The following GCFC2 variants were observed in gnomAD, a reference collection of about 807,000 sequenced individuals.
GCFC2 encodes the protein intron Large complex component GCFC2.
GCFC2 carries 102 observed loss-of-function variants against 99.4 expected under a neutral mutation model. That is an observed-to-expected ratio of 1.03 (90% CI 0.87 to 1.21). The LOEUF (loss-of-function observed/expected upper bound fraction) is 1.21. Ranked by LOEUF, GCFC2 falls within the 50% of genes most tolerant of loss-of-function variation. The pLI is 0.00. For synonymous variants in GCFC2, 338 were observed against 316.8 expected (o/e 1.07, Z -0.71); for missense variants, 973 against 920.9 (o/e 1.06, Z -0.73).
At chr2:75,695,848 C>G (rs1477160726) in intron 5 of GCFC2, among the ~76,000 whole-genome samples, 1 of 152,192 alleles carries the variant, frequency 6.6e-6, no homozygotes, top group East Asian at 1.9e-4. Flanking sequence ...AAGGATGATT[C>G]TCATCCTGGG....
intron 1 of GCFC2, among the ~76,000 whole-genome samples, chr2:75,707,856 T>G (rs1285120676): frequency 6.6e-6 from 1 of 152,216 alleles, no homozygotes; most frequent in Admixed American, 6.5e-5. Context: ...GTAGTAGCAG[T>G]TATGGTATTT....
intron 2 of GCFC2, among the ~76,000 whole-genome samples, chr2:75,704,460 A>G (rs1333323043): frequency 6.6e-6 from 1 of 152,180 alleles, no homozygotes; most frequent in African/African-American, 2.4e-5. Flanking sequence ...GCGTTTCTCA[A>G]TGTGCATAGG....
Position 75,664,606 on chromosome 2 carries a change from T to G in GCFC2, c.*60A>C, listed in dbSNP as rs1678744029. ...AGAAGAGAGAGGCACCAGCTTCTTC[T>G]CAAACAAAGGAACTGAGTGTAACTA... On this transcript the variant is annotated 3_prime_UTR_variant, in exon 17 of 17. Coordinates refer to ENST00000321027, the MANE Select transcript of GCFC2 (RefSeq NM_003203.5). 1.3e-6 allele frequency: 1 copy of G among 771,340 alleles called. No individual in the cohort carries two copies. The highest frequency in any genetic ancestry group is 1.7e-5 in the African/African-American group (1 of 57,208). The allele number at this position is 771,340 out of a possible 1,614,324, so 47.8% of individuals were successfully genotyped here. A position where few individuals can be genotyped will look rare whatever the true frequency, so the allele number is the denominator to read the frequency against.
chr2:75,674,642 A>C (rs758240281), intron 12 of GCFC2, among the ~76,000 whole-genome samples: 3 of 152,056 alleles, frequency 2.0e-5, no homozygotes, highest in Non-Finnish European at 2.9e-5. Flanking sequence ...TATTTGAAAA[A>C]TAAAAATGGC....
chr2:75,685,634 C>T (rs778015117), intron 11 of GCFC2, among the ~76,000 whole-genome samples: 4 of 152,064 alleles, frequency 2.6e-5, no homozygotes, highest in Non-Finnish European at 5.9e-5. Flanking sequence ...GGTCACTTAC[C>T]TTCTCTTTTC....
chr2:75,699,852 C>T lies in GCFC2; in HGVS notation c.717+1338G>A, dbSNP rs146315769. Among the ~76,000 whole-genome samples the T allele has an allele frequency of 2.1e-3, 324 of 150,758 alleles. 2 individuals are homozygous for T. Among genetic ancestry groups the T allele is most frequent in the African/African-American group, 7.5e-3 (310 of 41,096 alleles). ...TTGGCCTTCCGAAGTGCTGGAGTAACAGGTGTGAGCCACTATGCCTGGCCA... is the reference window on the plus strand; with the variant it reads ...TTGGCCTTCCGAAGTGCTGGAGTAATAGGTGTGAGCCACTATGCCTGGCCA... On this transcript the variant is annotated intron_variant, in intron 4 of 16. Transcript: ENST00000321027.
chr2:75,698,802 A>C (rs1162856985), intron 4 of GCFC2, among the ~76,000 whole-genome samples: 2 of 152,116 alleles, frequency 1.3e-5, no homozygotes, highest in African/African-American at 4.8e-5. Flanking sequence ...GCCTGAGCTC[A>C]GGAGTTTGAG....
rs1391169438 is a variant in GCFC2, at chr2:75,687,974, C to T, written c.1543G>A (p.Glu515Lys). The stretch of plus-strand genomic sequence containing the variant: ...GGCATCTCTTTTAAACCTGTGGATT[C>T]CAACTTACAAAGAAAATTACAAAAG... ...QLIDWNPLKL[E>K]STGLKEMPWF... Residue 515 changes from glutamate (E) to lysine (K), a missense_variant, in exon 11 of 17, where the codon GAA (glutamate) becomes AAA (lysine). Glu to Lys is a moderately conservative substitution (Grantham distance 56). Transcript: ENST00000321027. 6.5e-7 allele frequency: 1 copy of T among 1,545,024 alleles called. No individual in the cohort carries two copies. Among genetic ancestry groups the T allele is most frequent in the Non-Finnish European group, 8.7e-7 (1 of 1,145,030 alleles).
intron 11 of GCFC2, 89 bp from the exon 12 acceptor site, chr2:75,680,403 A>G (rs1421743956): frequency 3.0e-6 from 3 of 986,016 alleles, no homozygotes; most frequent in East Asian, 5.0e-5. Context: ...AACAAACACT[A>G]CTTCCCTCCT....
At chr2:75,686,585 C>A (rs1679826629) in intron 11 of GCFC2, among the ~76,000 whole-genome samples, 1 of 152,004 alleles carries the variant, frequency 6.6e-6, no homozygotes, top group South Asian at 2.1e-4. Flanking sequence ...CTAAAAAAAT[C>A]TTTTAAAAAT....
chr2:75,692,033 A>G lies in GCFC2; in HGVS notation c.1088T>C (p.Met363Thr). 1.9e-6 allele frequency: 3 copies of G among 1,561,804 alleles called. No individual in the cohort carries two copies. The highest frequency in any genetic ancestry group is 2.6e-6 in the Non-Finnish European group (3 of 1,145,574). The change falls in exon 7 of 17, where the codon ATG becomes ACG. Residue 363 changes from methionine (M) to threonine (T), a missense_variant. Met to Thr is a moderately conservative substitution (Grantham distance 81). Coordinates refer to ENST00000321027, the MANE Select transcript of GCFC2 (RefSeq NM_003203.5). ...ALLLKQAMTF[M>T]KRRQDELKHE... is the part of the protein sequence containing the mutation. ...TTTTAATTCATCTTGCCTGCGTTTC[A>G]TAAAGGTCATAGCTTGTTTTAAAAG...
At chr2:75,703,261 C>A (rs1284739040) in intron 2 of GCFC2, among the ~76,000 whole-genome samples, 1 of 152,118 alleles carries the variant, frequency 6.6e-6, no homozygotes, top group Non-Finnish European at 1.5e-5. Context: ...CCATTTTAAG[C>A]ACTTCAAACT....
At chr2:75,677,909 C>A (rs1394634830) in intron 12 of GCFC2, among the ~76,000 whole-genome samples, 1 of 150,948 alleles carries the variant, frequency 6.6e-6, no homozygotes, top group South Asian at 2.1e-4. Context: ...ACCTGGGAGG[C>A]GGAGGTTGCA....
At chr2:75,670,033 T>C (rs1194649975) in intron 15 of GCFC2, 105 bp downstream of exon 15, 2 of 704,240 alleles carry the variant, frequency 2.8e-6, no homozygotes, top group East Asian at 5.6e-5. Context: ...CCCATTTGTC[T>C]ATATATGAGT....
chr2:75,680,185 ATTATTACCTG>A lies in GCFC2; in HGVS notation c.1810_1812+7del, dbSNP rs1679509328. On this transcript the variant is annotated splice_donor_variant and splice_donor_5th_base_variant and coding_sequence_variant and intron_variant, in exon 12 of 17. Coordinates refer to ENST00000321027, the MANE Select transcript of GCFC2 (RefSeq NM_003203.5). LOFTEE classifies it high-confidence loss of function. Reference sequence around the variant, plus strand: ...GATCATGGAGTTCGCAACTCTAGAAATTATTACCTGTCTGCTTTTACTAACTTCATTTTCA... The same window carrying A: ...GATCATGGAGTTCGCAACTCTAGAAATCTGCTTTTACTAACTTCATTTTCA... 2 of 1,594,840 alleles carry A rather than the reference ATTATTACCTG, an allele frequency of 1.3e-6. No individual in the cohort carries two copies. Among genetic ancestry groups the A allele is most frequent in the Non-Finnish European group, 1.7e-6 (2 of 1,163,670 alleles).
At chr2:75,702,818 TAGA>T (rs1457612477) in intron 2 of GCFC2, among the ~76,000 whole-genome samples, 2 of 152,132 alleles carry the variant, frequency 1.3e-5, no homozygotes, top group Non-Finnish European at 2.9e-5. Flanking sequence ...CTACAGAAGT[TAGA>T]AGGATCAATG....
intron 1 of GCFC2, 163 bp downstream of exon 1, chr2:75,710,428 T>C: frequency 7.3e-7 from 1 of 1,363,530 alleles, no homozygotes; most frequent in African/African-American, 1.5e-5. Flanking sequence ...GCTCGAGCTA[T>C]TTTCTCGCTC....
chr2:75,706,661 C>T lies in GCFC2; in HGVS notation c.266-10G>A, dbSNP rs367676577. The T allele has an allele frequency of 2.6e-6, 4 of 1,542,144 alleles. No homozygotes were observed. In the African/African-American group the frequency reaches 4.1e-5, roughly 16 times the overall value. On this transcript the variant is annotated splice_polypyrimidine_tract_variant and intron_variant, in intron 1 of 16. Transcript: ENST00000321027. The stretch of plus-strand genomic sequence containing the variant: ...TCAAGGGTTCTGGATTCTAACAGGA[C>T]ATTTTAAAAATACAACAAAAAAGAG...
rs374711307 is a variant in GCFC2, at chr2:75,694,402, G to C, written c.859C>G (p.Arg287Gly). 7.0e-7 allele frequency: 1 copy of C among 1,435,114 alleles called. No homozygotes were observed. Among genetic ancestry groups the C allele is most frequent in the African/African-American group, 1.4e-5 (1 of 69,216 alleles). The allele number at this position is 1,435,114 out of a possible 1,614,324, so 88.9% of individuals were successfully genotyped here. A position where few individuals can be genotyped will look rare whatever the true frequency, so the allele number is the denominator to read the frequency against. The change falls in exon 6 of 17, where the codon CGC becomes GGC. Residue 287 changes from arginine (R) to glycine (G), a missense_variant. By Grantham distance (125) the Arg-to-Gly change is moderately radical (BLOSUM62 -2). Coordinates refer to ENST00000321027, the MANE Select transcript of GCFC2 (RefSeq NM_003203.5). Reference protein sequence around the residue: ...TRLTLLQETHRSHLREYEKYV... With the variant: ...TRLTLLQETHGSHLREYEKYV... ...TTTTCATACTCCCTCAGGTGTGAGC[G>C]GTGAGTTTCCTGTAGTAATGTTAAT...
Sources: gnomAD v4.1 joint callset for allele counts (sites outside exome capture counted in the v4.1 genomes callset) on GRCh38, gnomAD v4.1.1 for gene constraint, MANE v1.5 for transcripts, NCBI Gene and HGNC (gene_info 2026-07-23, HGNC 2026-07-21) for gene names.